The following SAV1 variants were observed in gnomAD, a reference collection of about 807,000 sequenced individuals.
SAV1 encodes the protein protein salvador homolog 1.
Under a neutral mutation model 47.3 loss-of-function variants are expected in SAV1, and 23 were observed. The observed-to-expected ratio is 0.49, with a 90% CI of 0.35 to 0.69. The LOEUF is 0.69. Ranked by LOEUF, SAV1 falls within the 30% of genes least tolerant of loss-of-function variation. SAV1 has a pLI of 0.01. For synonymous variants in SAV1, 155 were observed against 159.2 expected (o/e 0.97, Z 0.20); for missense variants, 448 against 457.4 (o/e 0.98, Z 0.19).
chr14:50,642,399 G>T (rs995797924), intron 3 of SAV1, among the ~76,000 whole-genome samples: 10 of 151,538 alleles, frequency 6.6e-5, no homozygotes, highest in Non-Finnish European at 1.3e-4. Flanking sequence ...TGAGGCAGGA[G>T]AATTGCTTGA....
intron 2 of SAV1, among the ~76,000 whole-genome samples, chr14:50,661,858 C>T (rs929367721): frequency 6.6e-6 from 1 of 152,024 alleles, no homozygotes; most frequent in African/African-American, 2.4e-5. Flanking sequence ...TTACTATAAC[C>T]TTGTATGTGG....
At chr14:50,639,519 G>A (rs1490500211) in intron 4 of SAV1, among the ~76,000 whole-genome samples, 1 of 152,136 alleles carries the variant, frequency 6.6e-6, no homozygotes, top group Non-Finnish European at 1.5e-5. Flanking sequence ...AAGAAGTATA[G>A]TACTTGCTCC....
chr14:50,639,810 T>G (rs928037262), intron 4 of SAV1, among the ~76,000 whole-genome samples: 6 of 152,186 alleles, frequency 3.9e-5, no homozygotes, highest in African/African-American at 1.4e-4. Flanking sequence ...ATACTAAGGT[T>G]AACAGTTAGG....
chr14:50,667,233 G>A, intron 1 of SAV1: 1 of 223,942 alleles, frequency 4.5e-6, no homozygotes, highest in Non-Finnish European at 9.3e-6. Context: ...CGAGGGGGGG[G>A]TTCTCTAATA....
rs373647297 is a variant in SAV1, at chr14:50,637,664, G to GTTTTTTTTTTTTT, written c.951-2293_951-2281dup. 19 of 58,282 alleles carry GTTTTTTTTTTTTT rather than the reference G, an allele frequency of 3.3e-4. 2 individuals carry two copies. Among genetic ancestry groups the GTTTTTTTTTTTTT allele is most frequent in the African/African-American group, 7.8e-4 (18 of 23,150 alleles). The allele number at this position is 58,282 out of a possible 1,614,324, so 3.6% of individuals were successfully genotyped here. A position where few individuals can be genotyped will look rare whatever the true frequency, so the allele number is the denominator to read the frequency against. ...AAAAAATCTTCAAACAATTTTGTCAGTTTTTTTTTTTTTTTTTTTTTTTTT... is the reference window on the plus strand; with the variant it reads ...AAAAAATCTTCAAACAATTTTGTCAGTTTTTTTTTTTTTTTTTTTTTTTTTTTTTTTTTTTTTT... On this transcript the variant is annotated intron_variant, in intron 4 of 4. Transcript: ENST00000324679.
At chr14:50,651,135 G>GA (rs1268893001) in intron 2 of SAV1, among the ~76,000 whole-genome samples, 1 of 152,134 alleles carries the variant, frequency 6.6e-6, no homozygotes, top group Non-Finnish European at 1.5e-5. Context: ...TCCTGAGTCA[G>GA]AATGACCTGG....
chr14:50,650,782 G>T (rs964733706), intron 2 of SAV1, among the ~76,000 whole-genome samples: 1 of 152,164 alleles, frequency 6.6e-6, no homozygotes, highest in African/African-American at 2.4e-5. Flanking sequence ...AGCACTTTGG[G>T]AGGCCAAGGT....
At position 50,633,769 on chromosome 14, in the gene SAV1, C is replaced by A. The variant is rs527824354; in HGVS notation, c.*1414G>T. Reference sequence around the variant, plus strand: ...TTTGTATTCTGGAAGACTTCCTAAGCTAAAAGTATATTTACATATTTACAA... The same window carrying A: ...TTTGTATTCTGGAAGACTTCCTAAGATAAAAGTATATTTACATATTTACAA... On this transcript the variant is annotated 3_prime_UTR_variant, in exon 5 of 5. Transcript: ENST00000324679. The A allele has an allele frequency of 6.5e-6, 1 of 152,812 alleles. No individual in the cohort carries two copies. The highest frequency in any genetic ancestry group is 6.5e-5 in the Admixed American group (1 of 15,306). 9.5% of individuals were successfully genotyped at this position (152,812 alleles called of 1,614,324 possible). A position where few individuals can be genotyped will look rare whatever the true frequency, so the allele number is the denominator to read the frequency against.
At chr14:50,660,702 T>C (rs919026815) in intron 2 of SAV1, among the ~76,000 whole-genome samples, 7 of 152,214 alleles carry the variant, frequency 4.6e-5, no homozygotes, top group East Asian at 1.9e-4. Context: ...TTAGAACTTA[T>C]TCCATCTAAC....
At chr14:50,662,996 T>C (rs536879456) in intron 2 of SAV1, 3 of 152,280 alleles carry the variant, frequency 2.0e-5, no homozygotes, top group Admixed American at 6.5e-5. Flanking sequence ...ACCCCGTTAG[T>C]GGCCAAGTCC....
chr14:50,667,843 C>T (rs370582120), intron 1 of SAV1, 31 bp downstream of exon 1: 1 of 1,600,844 alleles, frequency 6.2e-7, no homozygotes, highest in African/African-American at 1.3e-5. Context: ...CCGCCTGGGC[C>T]AGGTGTGGGC....
chr14:50,651,987 A>G (rs1305505035), intron 2 of SAV1, among the ~76,000 whole-genome samples: 1 of 152,214 alleles, frequency 6.6e-6, no homozygotes, highest in Non-Finnish European at 1.5e-5. Flanking sequence ...TAAAAAATAA[A>G]CTACAAAGAA....
chr14:50,653,258 G>C (rs1430445275), intron 2 of SAV1, among the ~76,000 whole-genome samples: 2 of 152,090 alleles, frequency 1.3e-5, no homozygotes, highest in African/African-American at 4.8e-5. Context: ...AATAAAGCTT[G>C]GCGTTAAAAA....
At chr14:50,656,293 T>TA (rs1421350886) in intron 2 of SAV1, among the ~76,000 whole-genome samples, 1 of 152,120 alleles carries the variant, frequency 6.6e-6, no homozygotes, top group East Asian at 1.9e-4. Context: ...GACAATTTGA[T>TA]AAAGGAGCCA....
chr14:50,667,842 C>T (rs983434732), intron 1 of SAV1, 32 bp downstream of exon 1: 2 of 1,593,848 alleles, frequency 1.3e-6, no homozygotes, highest in African/African-American at 1.3e-5. Flanking sequence ...GCCGCCTGGG[C>T]CAGGTGTGGG....
intron 3 of SAV1, among the ~76,000 whole-genome samples, chr14:50,641,911 A>G (rs1566740922): frequency 6.6e-6 from 1 of 152,194 alleles, no homozygotes; most frequent in Admixed American, 6.5e-5. Flanking sequence ...ACGTGTGCAC[A>G]TGTTAATTGC....
rs543518516 is a variant in SAV1, at chr14:50,652,329, A to G, written c.536-7315T>C. Among the ~76,000 whole-genome samples the G allele has an allele frequency of 2.0e-5, 3 of 152,370 alleles. No individual in the cohort carries two copies. In the East Asian group the frequency reaches 5.8e-4, roughly 29 times the overall value. The stretch of plus-strand genomic sequence containing the variant: ...CTCATAATGAATTTCTATTTCCAGA[A>G]AGCAACAAAACATATTTCCCAGATA... On this transcript the variant is annotated intron_variant, in intron 2 of 4. Coordinates refer to ENST00000324679, the MANE Select transcript of SAV1 (RefSeq NM_021818.4).
In SAV1 at chr14:50,665,470, G is replaced by T; in HGVS notation, c.244C>A (p.Pro82Thr). The change falls in exon 2 of 5, where the codon CCT becomes ACT. Residue 82 changes from proline to threonine, a missense_variant. Pro to Thr is a conservative substitution (Grantham distance 38). Transcript: ENST00000324679. ...CTTTCTCTTCTCATTATTTCATGAG[G>T]TGTTCTTTGAATTGGAGTTCTAAGG... ...SFLRTPIQRT[P>T]HEIMRRESNR... 6.2e-7 allele frequency: 1 copy of T among 1,613,960 alleles called. No individual in the cohort carries two copies. The highest frequency in any genetic ancestry group is 8.5e-7 in the Non-Finnish European group (1 of 1,179,908).
chr14:50,655,839 A>G (rs1260893641), intron 2 of SAV1, among the ~76,000 whole-genome samples: 2 of 151,824 alleles, frequency 1.3e-5, no homozygotes, highest in Non-Finnish European at 2.9e-5. Flanking sequence ...TGAGGTCAGG[A>G]GTTCACGACC....
Sources: allele counts gnomAD v4.1 joint callset (sites outside exome capture counted in the v4.1 genomes callset), GRCh38; gene constraint gnomAD v4.1.1; transcripts MANE v1.5; gene names NCBI Gene and HGNC (gene_info 2026-07-23, HGNC 2026-07-21).